NCKAP5: variants seen among roughly 807,000 people sequenced by gnomAD.
The protein encoded by NCKAP5 is NCK associated protein 5.
Under a neutral mutation model 167.0 loss-of-function variants are expected in NCKAP5, and 92 were observed. The ratio of observed to expected loss-of-function variants is 0.55; its 90% CI spans 0.47 to 0.66. The LOEUF (loss-of-function observed/expected upper bound fraction) is 0.66. Among genes scored for constraint, NCKAP5 ranks in the 30% least tolerant of loss-of-function variants. The probability of loss-of-function intolerance (pLI) is 0.00; values close to 1 mark genes in which losing one functional copy is unlikely to be tolerated. For missense variants in NCKAP5, 2,378 were observed against 2,315.0 expected, an observed-to-expected ratio of 1.03 and a Z score of -0.56; for synonymous variants, 891 against 877.4, an observed-to-expected ratio of 1.02 and a Z score of -0.27.
chr2:133,541,808 A>G (rs992160341), intron 2 of NCKAP5, among the ~76,000 whole-genome samples: 1 of 152,110 alleles, frequency 6.6e-6, no homozygotes, highest in Non-Finnish European at 1.5e-5. Context: ...CTTTCACAAA[A>G]TAGAGAGGGC....
intron 3 of NCKAP5, among the ~76,000 whole-genome samples, chr2:133,314,519 T>C (rs1037803645): frequency 9.2e-5 from 14 of 152,226 alleles, no homozygotes; most frequent in African/African-American, 2.4e-5. Context: ...CACTGGCTTA[T>C]GGTAACCAGG....
At chr2:133,671,313 T>C in the NCKAP5 span, among the ~76,000 whole-genome samples, 1 of 150,410 alleles carries the variant, frequency 6.6e-6, no homozygotes, top group African/African-American at 2.5e-5. Flanking sequence ...GTAGTGGTGG[T>C]GGCATTAGTG....
At chr2:132,890,084 T>A (rs1692571332) in intron 8 of NCKAP5, among the ~76,000 whole-genome samples, 1 of 152,204 alleles carries the variant, frequency 6.6e-6, no homozygotes, top group African/African-American at 2.4e-5. Flanking sequence ...ACTCCTTCAA[T>A]TCAGGAAAGG....
chr2:132,746,622 C>T (rs537707184), intron 16 of NCKAP5, among the ~76,000 whole-genome samples: 42 of 152,060 alleles, frequency 2.8e-4, no homozygotes, highest in Non-Finnish European at 5.0e-4. Context: ...TGCAACACAG[C>T]TATAATACTC....
At chr2:132,933,375 C>T (rs933630377) in intron 8 of NCKAP5, among the ~76,000 whole-genome samples, 2 of 152,152 alleles carry the variant, frequency 1.3e-5, no homozygotes, top group African/African-American at 4.8e-5. Flanking sequence ...TGATCTGTTC[C>T]TAGTTCCTAG....
intron 6 of NCKAP5, among the ~76,000 whole-genome samples, chr2:133,054,272 T>C (rs930686564): frequency 1.3e-5 from 2 of 152,234 alleles, no homozygotes; most frequent in Non-Finnish European, 2.9e-5. Context: ...TATGATGGTA[T>C]GTTACCTCCC....
At chr2:132,859,474 A>G (rs898585185) in intron 11 of NCKAP5, among the ~76,000 whole-genome samples, 9 of 152,240 alleles carry the variant, frequency 5.9e-5, no homozygotes, top group Admixed American at 6.5e-5. Flanking sequence ...CCCTGGCCAC[A>G]TGTGGCTTTT....
At chr2:133,290,081 A>C (rs1446489984) in intron 4 of NCKAP5, among the ~76,000 whole-genome samples, 1 of 152,218 alleles carries the variant, frequency 6.6e-6, no homozygotes, top group Non-Finnish European at 1.5e-5. Flanking sequence ...AATCCAAACC[A>C]TATAAGCTCC....
chr2:133,627,530 C>A, the NCKAP5 span, among the ~76,000 whole-genome samples: 1 of 152,052 alleles, frequency 6.6e-6, no homozygotes, highest in Middle Eastern at 3.2e-3. Flanking sequence ...ATCCCAGCAC[C>A]TGGGGAGATC....
At chr2:133,587,632 GTGTT>G in the NCKAP5 span, among the ~76,000 whole-genome samples, 3 of 152,204 alleles carry the variant, frequency 2.0e-5, no homozygotes, top group Non-Finnish European at 4.4e-5. Context: ...CATCAATAAA[GTGTT>G]TGGCCCTAAC....
intron 4 of NCKAP5, among the ~76,000 whole-genome samples, chr2:133,252,165 A>G (rs776941579): frequency 6.6e-6 from 1 of 152,210 alleles, no homozygotes; most frequent in Non-Finnish European, 1.5e-5. Flanking sequence ...TCATCCCCAC[A>G]TCTCCTGATT....
In NCKAP5 at chr2:132,920,775, A is replaced by ATGTATGTGTG. The variant is rs1558943316; in HGVS notation, c.580-41860_580-41859insCACACATACA. 1.6e-3 allele frequency among the ~76,000 whole-genome samples: 10 copies of ATGTATGTGTG among 6,238 alleles called. 3 individuals carry two copies. Among genetic ancestry groups the ATGTATGTGTG allele is most frequent in the African/African-American group, 3.7e-3 (10 of 2,674 alleles). 4.1% of individuals were successfully genotyped at this position (6,238 alleles called of 152,430 possible). On this transcript the variant is annotated intron_variant, in intron 8 of 19. Coordinates refer to ENST00000409261, the MANE Select transcript of NCKAP5 (RefSeq NM_207363.3). Reference sequence around the variant, plus strand: ...TATATATGTATATATATGTATGTATATATATATATATATATATATATATAT... The same window carrying ATGTATGTGTG: ...TATATATGTATATATATGTATGTATATGTATGTGTGTATATATATATATATATATATATAT...
At chr2:133,249,346 G>A (rs2088180521) in intron 4 of NCKAP5, among the ~76,000 whole-genome samples, 1 of 152,110 alleles carries the variant, frequency 6.6e-6, no homozygotes, top group Non-Finnish European at 1.5e-5. Flanking sequence ...CTCTGCCAGA[G>A]GCCAGAAACC....
At chr2:133,180,543 T>C (rs2084686049) in intron 5 of NCKAP5, among the ~76,000 whole-genome samples, 2 of 152,048 alleles carry the variant, frequency 1.3e-5, no homozygotes, top group African/African-American at 2.4e-5. Flanking sequence ...TTCACTATGT[T>C]ACCCAGGCTG....
chr2:132,798,783 C>T (rs564705354), intron 11 of NCKAP5, among the ~76,000 whole-genome samples: 1 of 152,294 alleles, frequency 6.6e-6, no homozygotes, highest in East Asian at 1.9e-4. Context: ...TGAAGGTACA[C>T]GTTCTACAGG....
chr2:133,357,274 CACACACATACACAG>C (rs1027933740), intron 3 of NCKAP5, among the ~76,000 whole-genome samples: 4 of 130,202 alleles, frequency 3.1e-5, no homozygotes, highest in African/African-American at 1.2e-4. Flanking sequence ...TTAGTTGGGT[CACACACATACACAG>C]ACACACACAC....
At chr2:133,592,284 G>A in the NCKAP5 span, among the ~76,000 whole-genome samples, 1 of 152,180 alleles carries the variant, frequency 6.6e-6, no homozygotes, top group African/African-American at 2.4e-5. Context: ...ACTCTAGTCA[G>A]AGAATGAGAT....
intron 16 of NCKAP5, among the ~76,000 whole-genome samples, chr2:132,741,771 G>A (rs1330359380): frequency 3.3e-5 from 5 of 152,068 alleles, no homozygotes; most frequent in Non-Finnish European, 7.4e-5. Context: ...TCTAATTGAA[G>A]AAATGCCAAC....
At chr2:133,637,434 C>T in the NCKAP5 span, among the ~76,000 whole-genome samples, 1 of 79,618 alleles carries the variant, frequency 1.3e-5, no homozygotes, top group South Asian at 4.6e-4. Context: ...AAATAAAAAT[C>T]ACAAGAGTAG....
Sources: allele counts gnomAD v4.1 joint callset (sites outside exome capture counted in the v4.1 genomes callset), GRCh38; gene constraint gnomAD v4.1.1; transcripts MANE v1.5; gene names NCBI Gene and HGNC (gene_info 2026-07-23, HGNC 2026-07-21).